PLD5: variants seen among roughly 807,000 people sequenced by gnomAD.
The protein encoded by PLD5 is inactive phospholipase D5.
PLD5 carries 36 observed loss-of-function variants against 61.1 expected under a neutral mutation model. The observed-to-expected ratio is 0.59, with a 90% confidence interval of 0.45 to 0.78. PLD5 has a LOEUF of 0.78. Among genes scored for constraint, PLD5 ranks in the 30% least tolerant of loss-of-function variants. The pLI is 0.00. For missense variants in PLD5, 515 were observed against 644.4 expected (o/e 0.80, Z 2.17); for synonymous variants, 243 against 242.8 (o/e 1.00, Z -0.01).
At chr1:242,288,224 T>C (rs1423274087) in intron 3 of PLD5, 138 bp downstream of exon 3, 28 of 1,192,600 alleles carry the variant, frequency 2.3e-5, no homozygotes, top group Non-Finnish European at 3.2e-5. Context: ...TCTACATAAA[T>C]GTAATAATGT....
At chr1:242,092,473 G>A (rs1366539119) in intron 9 of PLD5, among the ~76,000 whole-genome samples, 2 of 152,092 alleles carry the variant, frequency 1.3e-5, no homozygotes, top group Non-Finnish European at 2.9e-5. Flanking sequence ...AAAATATTTA[G>A]CCATGTCAAG....
chr1:242,310,799 T>C (rs1676654520), intron 2 of PLD5, among the ~76,000 whole-genome samples: 1 of 152,190 alleles, frequency 6.6e-6, no homozygotes, highest in Non-Finnish European at 1.5e-5. Flanking sequence ...GTTACTTTAA[T>C]CCCTAGTTAA....
At chr1:242,455,599 G>C (rs1220943708) in intron 1 of PLD5, among the ~76,000 whole-genome samples, 1 of 152,220 alleles carries the variant, frequency 6.6e-6, no homozygotes, top group African/African-American at 2.4e-5. Context: ...GTGCAAGCCT[G>C]TTTAGAAAAG....
intron 5 of PLD5, among the ~76,000 whole-genome samples, chr1:242,132,877 A>G (rs1663399409): frequency 6.6e-6 from 1 of 152,170 alleles, no homozygotes; most frequent in Non-Finnish European, 1.5e-5. Context: ...AAAATTAAGG[A>G]TACTGATGAG....
chr1:242,239,298 C>G (rs1006457756), intron 4 of PLD5, among the ~76,000 whole-genome samples: 1 of 151,656 alleles, frequency 6.6e-6, no homozygotes, highest in Non-Finnish European at 1.5e-5. Flanking sequence ...GAAACACAGT[C>G]CTTGTTGGTG....
intron 1 of PLD5, among the ~76,000 whole-genome samples, chr1:242,350,125 A>G (rs1156725288): frequency 7.2e-5 from 11 of 152,136 alleles, no homozygotes; most frequent in Non-Finnish European, 1.5e-4. Context: ...GGCACCATAG[A>G]TGAAAAAGGA....
At chr1:242,230,316 C>A (rs1462610614) in intron 4 of PLD5, among the ~76,000 whole-genome samples, 4 of 152,132 alleles carry the variant, frequency 2.6e-5, no homozygotes, top group Non-Finnish European at 5.9e-5. Context: ...AAATTAATCA[C>A]TAGCTTTTGA....
intron 4 of PLD5, among the ~76,000 whole-genome samples, chr1:242,245,988 T>A (rs1021241303): frequency 6.6e-6 from 1 of 152,196 alleles, no homozygotes; most frequent in African/African-American, 2.4e-5. Flanking sequence ...TGCCAGGTAC[T>A]ATGTTAAATA....
chr1:242,123,423 C>G (rs1185723602), intron 6 of PLD5, among the ~76,000 whole-genome samples: 1 of 152,182 alleles, frequency 6.6e-6, no homozygotes. Context: ...TGGCCAGAGC[C>G]CCTCGCAGCC....
chr1:242,349,026 C>T (rs1489397124), intron 1 of PLD5, among the ~76,000 whole-genome samples: 1 of 152,188 alleles, frequency 6.6e-6, no homozygotes, highest in Non-Finnish European at 1.5e-5. Context: ...TGCACTCCAG[C>T]CTGGGTGACA....
intron 5 of PLD5, among the ~76,000 whole-genome samples, chr1:242,195,830 C>T (rs1204288207): frequency 1.3e-5 from 2 of 152,156 alleles, no homozygotes; most frequent in Admixed American, 6.5e-5. Context: ...CTTGTAAATC[C>T]TACCCTTTGT....
chr1:242,514,596 T>A (rs1669043138), intron 1 of PLD5, among the ~76,000 whole-genome samples: 1 of 151,788 alleles, frequency 6.6e-6, no homozygotes, highest in African/African-American at 2.4e-5. Context: ...AAAATAAAAG[T>A]TGAAAAAAGT....
In PLD5 at chr1:242,288,529, T is replaced by C; in HGVS notation, c.328A>G (p.Ile110Val). 1 of 1,587,904 alleles carries C rather than the reference T, an allele frequency of 6.3e-7. No individual in the cohort carries two copies. Among genetic ancestry groups the C allele is most frequent in the South Asian group, 1.2e-5 (1 of 86,338 alleles). Residue 110 changes from isoleucine to valine, a missense_variant and splice_region_variant, in exon 3 of 10, where the codon ATT becomes GTT. Ile to Val is a conservative substitution (Grantham distance 29). Transcript: ENST00000536534. The part of the protein sequence containing the change: ...SEKNCQNKCR[I>V]ALVENIPEGL... ...TCAGGAATATTTTCCACCAGGGCAA[T>C]TCTTAGAAAAGATTTTGAAAAACAA...
In PLD5 at chr1:242,129,658, T is replaced by G. The variant is rs180841309; in HGVS notation, c.736-4993A>C. Among the ~76,000 whole-genome samples, 581 of 152,332 alleles carry G rather than the reference T, an allele frequency of 3.8e-3. 8 individuals are homozygous for G. The highest frequency in any genetic ancestry group is 4.4e-3 in the Non-Finnish European group (301 of 68,032). ...CTGACAAATTCTTAATTTTTAAAAATGAACTTAAGGAGTACAAGGCTGTTT... is the reference window on the plus strand; with the variant it reads ...CTGACAAATTCTTAATTTTTAAAAAGGAACTTAAGGAGTACAAGGCTGTTT... On this transcript the variant is annotated intron_variant, in intron 5 of 9. Coordinates refer to ENST00000536534, the MANE Select transcript of PLD5 (RefSeq NM_001372062.1).
chr1:242,415,438 T>TC (rs999685453), intron 1 of PLD5, among the ~76,000 whole-genome samples: 26 of 151,238 alleles, frequency 1.7e-4, no homozygotes, highest in Admixed American at 1.6e-3. Flanking sequence ...TTCATTGGCC[T>TC]CCCCATTCCA....
In PLD5 at chr1:242,283,016, G is replaced by A. The variant is rs985121182; in HGVS notation, c.495+5346C>T. Among the ~76,000 whole-genome samples, 7 of 152,152 alleles carry A rather than the reference G, an allele frequency of 4.6e-5. 1 individual carries two copies. Among genetic ancestry groups the A allele is most frequent in the Admixed American group, 2.0e-4 (3 of 15,280 alleles). Reference sequence around the variant, plus strand: ...ACAAACACAAACAGATTAACACCAGGAAAGAGACAAGAAAAACAAAGTGGG... The same window carrying A: ...ACAAACACAAACAGATTAACACCAGAAAAGAGACAAGAAAAACAAAGTGGG... On this transcript the variant is annotated intron_variant, in intron 3 of 9. Transcript: ENST00000536534.
upstream of PLD5, among the ~76,000 whole-genome samples, chr1:242,526,727 C>T (rs867309913): frequency 1.3e-5 from 2 of 152,162 alleles, no homozygotes; most frequent in Non-Finnish European, 2.9e-5. Context: ...TTTATTATTA[C>T]ACTTTGCCCT....
At chr1:242,419,189 T>G (rs1664991223) in intron 1 of PLD5, among the ~76,000 whole-genome samples, 1 of 152,112 alleles carries the variant, frequency 6.6e-6, no homozygotes, top group African/African-American at 2.4e-5. Context: ...AGTGTGGAGA[T>G]GAGATGGGCG....
At chr1:242,452,641 C>G (rs115096046) in intron 1 of PLD5, among the ~76,000 whole-genome samples, 1,878 of 152,206 alleles carry the variant, frequency 0.012, 15 homozygotes, top group Middle Eastern at 0.02. Context: ...CACGGTGAAA[C>G]TCCATCTCTA....
Sources: allele counts gnomAD v4.1 joint callset (sites outside exome capture counted in the v4.1 genomes callset), GRCh38; gene constraint gnomAD v4.1.1; transcripts MANE v1.5; gene names NCBI Gene and HGNC (gene_info 2026-07-23, HGNC 2026-07-21).